Variants in PRKDC observed in about 807,000 individuals in gnomAD.
The protein encoded by PRKDC is DNA-dependent protein kinase catalytic subunit.
A neutral mutation model predicts 486.9 loss-of-function variants in PRKDC; 82 were observed. That is an observed-to-expected ratio of 0.17 (90% CI 0.14 to 0.20). The LOEUF is 0.20. Ranked by LOEUF, PRKDC falls within the 10% of genes least tolerant of loss-of-function variation. PRKDC has a pLI of 1.00. For missense variants in PRKDC, 4,504 were observed against 5,038.2 expected (o/e 0.89, Z 3.21); for synonymous variants, 1,895 against 1,837.0 (o/e 1.03, Z -0.81).
intron 5 of PRKDC, 36 bp downstream of exon 5, chr8:47,954,302 T>G: frequency 1.1e-6 from 1 of 912,226 alleles, no homozygotes; most frequent in African/African-American, 1.7e-5. Context: ...ATTAATTTGC[T>G]AAACTATTTG....
intron 1 of PRKDC, among the ~76,000 whole-genome samples, chr8:47,959,513 C>G (rs1205442729): frequency 1.3e-5 from 2 of 151,852 alleles, no homozygotes; most frequent in Non-Finnish European, 2.9e-5. Context: ...CCCATCTCTA[C>G]TAAAAATACA....
chr8:47,935,559 T>C (rs1439098237), intron 13 of PRKDC, among the ~76,000 whole-genome samples, 173 bp downstream of exon 13: 1 of 152,030 alleles, frequency 6.6e-6, no homozygotes, highest in Non-Finnish European at 1.5e-5. Flanking sequence ...ACTATTAAAA[T>C]TCAGAGGTAA....
At chr8:47,917,725 T>C (rs1227793574) in intron 22 of PRKDC, among the ~76,000 whole-genome samples, 1 of 152,222 alleles carries the variant, frequency 6.6e-6, no homozygotes, top group Non-Finnish European at 1.5e-5. Context: ...CTGACTTGCT[T>C]ATTTAATATG....
chr8:47,855,244 C>A lies in PRKDC; in HGVS notation c.6739G>T (p.Asp2247Tyr). ...TACCTATAAGGGATGGATAAACAATCCTTCCAGCACTCGACAAGGGTCTTT... is the reference window on the plus strand; with the variant it reads ...TACCTATAAGGGATGGATAAACAATACTTCCAGCACTCGACAAGGGTCTTT... Reference protein sequence around the residue: ...IIKTLVECWKDCLSIPYRLIF... With the variant: ...IIKTLVECWKYCLSIPYRLIF... The change falls in exon 50 of 86, where the codon GAT becomes TAT. Residue 2247 changes from aspartate to tyrosine, a missense_variant. By Grantham distance (160) the Asp-to-Tyr change is radical (BLOSUM62 -3). Around this residue, in one of 6 missense-constraint regions of PRKDC, gnomAD observed 1,592 missense variants for 1,724.6 expected, o/e 0.92. Transcript: ENST00000314191. 1.2e-6 allele frequency: 2 copies of A among 1,603,780 alleles called. No homozygotes were observed. Among genetic ancestry groups the A allele is most frequent in the South Asian group, 1.1e-5 (1 of 89,050 alleles).
chr8:47,948,595 G>A (rs2090575974), intron 7 of PRKDC, among the ~76,000 whole-genome samples: 2 of 151,716 alleles, frequency 1.3e-5, no homozygotes, highest in Non-Finnish European at 2.9e-5. Flanking sequence ...GAGTAGCTGG[G>A]ATTACAGGCA....
At chr8:47,872,572 T>C (rs1328015640) in intron 40 of PRKDC, among the ~76,000 whole-genome samples, 10 of 148,194 alleles carry the variant, frequency 6.7e-5, no homozygotes, top group East Asian at 2.0e-4. Context: ...TCCACACAGA[T>C]TGAAAATAAA....
intron 28 of PRKDC, among the ~76,000 whole-genome samples, chr8:47,900,159 C>T (rs2089653836): frequency 6.6e-6 from 1 of 152,054 alleles, no homozygotes. Flanking sequence ...TCAATGGCCA[C>T]CAGGAGTACA....
chr8:47,852,520 C>T (rs961393874), intron 52 of PRKDC, among the ~76,000 whole-genome samples, 153 bp downstream of exon 52: 2 of 152,142 alleles, frequency 1.3e-5, no homozygotes, highest in African/African-American at 4.8e-5. Flanking sequence ...ATTATATTTG[C>T]TATATTATAG....
At chr8:47,894,206 G>A (rs1589772367) in intron 30 of PRKDC, among the ~76,000 whole-genome samples, 1 of 152,072 alleles carries the variant, frequency 6.6e-6, no homozygotes, top group South Asian at 2.1e-4. Flanking sequence ...GCTTAAACGA[G>A]GGGGAGGTTG....
intron 83 of PRKDC, 66 bp from the exon 84 acceptor site, chr8:47,777,940 T>C: frequency 7.0e-7 from 1 of 1,423,750 alleles, no homozygotes; most frequent in Non-Finnish European, 9.7e-7. Flanking sequence ...CGAGCACAAA[T>C]GGCAGCATCC....
In PRKDC at chr8:47,960,037, G is replaced by C; in HGVS notation, c.90C>G (p.Ala30=). 2.0e-6 allele frequency: 3 copies of C among 1,533,942 alleles called. No homozygotes were observed. The highest frequency in any genetic ancestry group is 2.6e-6 in the Non-Finnish European group (3 of 1,146,488). The stretch of plus-strand genomic sequence containing the variant: ...CCAGGCCGCGGATCAGTTGATGACC[G>C]GCCAGGGCAGCACCGCAGCGGTCCG... ...SAADRCGAAL[A]GHQLIRGLGQ... Residue 30 remains alanine, a synonymous_variant, in exon 1 of 86, where the codon GCC becomes GCG. Transcript: ENST00000314191.
intron 21 of PRKDC, among the ~76,000 whole-genome samples, chr8:47,923,553 G>A (rs927428518): frequency 1.3e-4 from 20 of 152,216 alleles, no homozygotes; most frequent in African/African-American, 4.6e-4. Context: ...CCTACTGCTA[G>A]TCAGTGGGCA....
Position 47,838,341 on chromosome 8 carries a change from G to T in PRKDC, c.7553+807C>A, listed in dbSNP as rs572390145. 5.3e-5 allele frequency among the ~76,000 whole-genome samples: 8 copies of T among 152,276 alleles called. No individual in the cohort carries two copies. The East Asian group carries it at 1.5e-3, about 29-fold the overall frequency. Reference sequence around the variant, plus strand: ...ATATGGCTTCTTATATTGAGGCTGGGTGCAGTGCTCACACTTAAAATCCCG... The same window carrying T: ...ATATGGCTTCTTATATTGAGGCTGGTTGCAGTGCTCACACTTAAAATCCCG... On this transcript the variant is annotated intron_variant, in intron 56 of 85. Transcript: ENST00000314191.
At chr8:47,925,107 G>C (rs2090136437) in intron 21 of PRKDC, among the ~76,000 whole-genome samples, 1 of 152,174 alleles carries the variant, frequency 6.6e-6, no homozygotes, top group Admixed American at 6.5e-5. Context: ...GGGAGCACCT[G>C]GGACCTCCCC....
chr8:47,874,044 C>T (rs980547266), intron 40 of PRKDC, among the ~76,000 whole-genome samples: 18 of 146,390 alleles, frequency 1.2e-4, no homozygotes, highest in Non-Finnish European at 2.2e-4. Flanking sequence ...CCCGGGTTCA[C>T]GTCATTCTCC....
In PRKDC at chr8:47,936,782, A is replaced by AT. The variant is rs869164665; in HGVS notation, c.1114-266dup. ...CAGGCATGTGCCACCACGCCTGGCT[A>AT]TTTTTTTTTTTTTTTTGTATTAAGT... is the stretch of plus-strand genomic sequence containing the variant. On this transcript the variant is annotated intron_variant, in intron 11 of 85. Coordinates refer to ENST00000314191, the MANE Select transcript of PRKDC (RefSeq NM_006904.7). 0.019 allele frequency among the ~76,000 whole-genome samples: 2,386 copies of AT among 128,640 alleles called. 65 individuals carry two copies. Among genetic ancestry groups the AT allele is most frequent in the African/African-American group, 0.059 (2,074 of 35,112 alleles). The allele number at this position is 128,640 out of a possible 152,430, so 84.4% of individuals were successfully genotyped here. A position where few individuals can be genotyped will look rare whatever the true frequency, so the allele number is the denominator to read the frequency against.
Position 47,830,614 on chromosome 8 carries a change from G to A in PRKDC, c.8388C>T (p.Ala2796=), listed in dbSNP as rs373077938. The A allele has an allele frequency of 5.1e-5, 82 of 1,613,526 alleles. No homozygotes were observed. The highest frequency in any genetic ancestry group is 6.2e-5 in the Non-Finnish European group (73 of 1,179,704). Residue 2796 remains alanine (A), a synonymous_variant, in exon 61 of 86, where the codon GCC becomes GCT. Coordinates refer to ENST00000314191, the MANE Select transcript of PRKDC (RefSeq NM_006904.7). ...KHSSLITPLQ[A]VAQRDPIIAK... ...AGCGGCAAAAACTGACCTGGGCCAC[G>A]GCCTGTAACGGGGTGATGAGGCTGC...
intron 30 of PRKDC, among the ~76,000 whole-genome samples, chr8:47,894,263 T>C (rs749039835): frequency 6.6e-6 from 1 of 151,644 alleles, no homozygotes; most frequent in African/African-American, 2.4e-5. Flanking sequence ...AGCTACAGAG[T>C]GAGACTCGGT....
At chr8:47,804,728 T>C (rs767276204) in intron 69 of PRKDC, among the ~76,000 whole-genome samples, 5 of 152,192 alleles carry the variant, frequency 3.3e-5, no homozygotes, top group Admixed American at 1.3e-4. Context: ...GGGAGTGGAA[T>C]TGTCGGGTCA....
Sources: gnomAD v4.1 joint callset for allele counts (sites outside exome capture counted in the v4.1 genomes callset) on GRCh38, gnomAD v4.1.1 for gene constraint, gnomAD v4.1.1 regional missense constraint, MANE v1.5 for transcripts, NCBI Gene and HGNC (gene_info 2026-07-23, HGNC 2026-07-21) for gene names.